The following PTH1R variants were observed in gnomAD, a reference collection of about 807,000 sequenced individuals.
The protein encoded by PTH1R is parathyroid hormone 1 receptor.
PTH1R carries 32 observed loss-of-function variants against 70.7 expected under a neutral mutation model. The ratio of observed to expected loss-of-function variants is 0.45; its 90% CI spans 0.34 to 0.61. The LOEUF is 0.61. Ranked by LOEUF, PTH1R falls within the 20% of genes least tolerant of loss-of-function variation. The pLI, the probability that PTH1R is intolerant of heterozygous loss-of-function variation, is 0.01. For missense variants in PTH1R, 626 were observed against 792.5 expected, an observed-to-expected ratio of 0.79 and a Z score of 2.52; for synonymous variants, 329 against 324.8, an observed-to-expected ratio of 1.01 and a Z score of -0.14.
At chr3:46,894,108 T>C (rs2031595221) in intron 4 of PTH1R, 99 bp downstream of exon 4, 2 of 1,297,266 alleles carry the variant, frequency 1.5e-6, no homozygotes, top group South Asian at 1.3e-5. Context: ...AGGCTCTCTG[T>C]GGGGGCGGAC....
In PTH1R at chr3:46,902,708, G is replaced by A; in HGVS notation, c.1353+41G>A. 4 of 1,613,988 alleles carry A rather than the reference G, an allele frequency of 2.5e-6. No homozygotes were observed. Among genetic ancestry groups the A allele is most frequent in the Non-Finnish European group, 3.4e-6 (4 of 1,179,980 alleles). On this transcript the variant is annotated intron_variant, in intron 14 of 15. Transcript: ENST00000449590. This position sits in a 1 kb window ranked among gnomAD's most constrained non-coding sequence, Gnocchi z 5.4. ...CCGGGCCTGGCTGAGGGTGGGAGGG[G>A]TTCCGGGGGCAGGCCTGATTCGAGA...
At chr3:46,888,432 C>T (rs1159499467) in intron 3 of PTH1R, among the ~76,000 whole-genome samples, 2 of 152,214 alleles carry the variant, frequency 1.3e-5, no homozygotes, top group Non-Finnish European at 2.9e-5. Context: ...AGTAGCCTCC[C>T]TCAGATTCCT....
chr3:46,885,154 T>A (rs1161757401), intron 3 of PTH1R, among the ~76,000 whole-genome samples: 1 of 152,112 alleles, frequency 6.6e-6, no homozygotes, highest in African/African-American at 2.4e-5. Context: ...TAAGTCTATG[T>A]GTCAGAGCAG....
chr3:46,892,620 C>A lies in PTH1R; in HGVS notation c.76-1287C>A. The A allele has an allele frequency of 2.1e-6, 1 of 470,562 alleles. No homozygotes were observed. The highest frequency in any genetic ancestry group is 2.8e-6 in the Non-Finnish European group (1 of 357,528). 29.1% of individuals were successfully genotyped at this position (470,562 alleles called of 1,614,324 possible). A position where few individuals can be genotyped will look rare whatever the true frequency, so the allele number is the denominator to read the frequency against. ...GCGGTCAATTAACTTCTCCCTGCAG[C>A]CAGGCTCTCTGACCCGGCCTGCCCG... is the stretch of plus-strand genomic sequence containing the variant. On this transcript the variant is annotated intron_variant, in intron 3 of 15. Coordinates refer to ENST00000449590, the MANE Select transcript of PTH1R (RefSeq NM_000316.3). The surrounding 1 kb of genome is among the most constrained non-coding windows in gnomAD (Gnocchi z 5.2).
rs2030894558 is a variant in PTH1R, at chr3:46,884,546, C to T, written c.75+912C>T. 6.6e-6 allele frequency among the ~76,000 whole-genome samples: 1 copy of T among 152,242 alleles called. No homozygotes were observed. The highest frequency in any genetic ancestry group is 2.4e-5 in the African/African-American group (1 of 41,464). On this transcript the variant is annotated intron_variant, in intron 3 of 15. Transcript: ENST00000449590. The surrounding 1 kb of genome is among the most constrained non-coding windows in gnomAD (Gnocchi z 4.8). ...CTGTCCCAGCCCCTCAGTCCTATTC[C>T]ACAGCAACCCCATCCCCTGGGACGA...
intron 3 of PTH1R, among the ~76,000 whole-genome samples, chr3:46,890,674 A>G (rs2031366018): frequency 6.6e-6 from 1 of 151,156 alleles, no homozygotes; most frequent in South Asian, 2.1e-4. Flanking sequence ...CTAATTTTGT[A>G]TTTTTCAGTA....
In PTH1R at chr3:46,898,823, CGCCCCCGCCGCCT is replaced by C; in HGVS notation, c.804_816del (p.Pro271LeufsTer11). 6.4e-7 allele frequency: 1 copy of C among 1,562,168 alleles called. No homozygotes were observed. The highest frequency in any genetic ancestry group is 8.6e-7 in the Non-Finnish European group (1 of 1,159,182). On this transcript the variant is annotated frameshift_variant, in exon 9 of 16. Coordinates refer to ENST00000449590, the MANE Select transcript of PTH1R (RefSeq NM_000316.3). LOFTEE classifies it high-confidence loss of function. ...GAGGAGCTGCGCGCCATCGCCCAGG[CGCCCCCGCCGCCT>C]GCCACCGCCGCTGCCGGCTACGTGA... is the stretch of plus-strand genomic sequence containing the variant.
intron 10 of PTH1R, 83 bp downstream of exon 10, chr3:46,899,539 G>A (rs1025038644): frequency 2.2e-5 from 33 of 1,522,804 alleles, no homozygotes; most frequent in East Asian, 4.5e-5. Flanking sequence ...GGGGGGAGGC[G>A]CCCACACAGC....
chr3:46,879,768 G>A lies in PTH1R; in HGVS notation c.-105-1294G>A, dbSNP rs931241017. Among the ~76,000 whole-genome samples the A allele has an allele frequency of 2.6e-5, 4 of 151,652 alleles. No individual in the cohort carries two copies. Among genetic ancestry groups the A allele is most frequent in the Admixed American group, 6.6e-5 (1 of 15,224 alleles). On this transcript the variant is annotated intron_variant, in intron 1 of 15. Transcript: ENST00000449590. The surrounding 1 kb of genome is among the most constrained non-coding windows in gnomAD (Gnocchi z 4.7). ...TCTGGGGAAAAAAAAAATGCTGCGT[G>A]TGGTGGCTCACGCTTGTAATCTCAA...
chr3:46,889,272 A>G (rs2031243453), intron 3 of PTH1R, among the ~76,000 whole-genome samples: 2 of 152,202 alleles, frequency 1.3e-5, no homozygotes, highest in South Asian at 4.1e-4. Flanking sequence ...ACAAGCCGCC[A>G]TCACTGGCAT....
intron 4 of PTH1R, among the ~76,000 whole-genome samples, chr3:46,895,092 CAA>C (rs149071173): frequency 0.42 from 47,979 of 115,574 alleles, 10,352 homozygotes; most frequent in Non-Finnish European, 0.53. Flanking sequence ...AACAAACAAA[CAA>C]AAAAAAAAAA....
Position 46,903,131 on chromosome 3 carries a change from A to G in PTH1R, c.1396-139A>G. ...TGTAGCCAAACACCCTGTTGTGAGGATGGGATTTCACTTGGCCTTGGAGTT... is the reference window on the plus strand; with the variant it reads ...TGTAGCCAAACACCCTGTTGTGAGGGTGGGATTTCACTTGGCCTTGGAGTT... On this transcript the variant is annotated intron_variant, in intron 15 of 15. Coordinates refer to ENST00000449590, the MANE Select transcript of PTH1R (RefSeq NM_000316.3). This position sits in a 1 kb window ranked among gnomAD's most constrained non-coding sequence, Gnocchi z 4.4. 1 of 1,470,326 alleles carries G rather than the reference A, an allele frequency of 6.8e-7. No individual in the cohort carries two copies. Among genetic ancestry groups the G allele is most frequent in the East Asian group, 2.5e-5 (1 of 40,496 alleles). 91.1% of individuals were successfully genotyped at this position (1,470,326 alleles called of 1,614,324 possible). A position where few individuals can be genotyped will look rare whatever the true frequency, so the allele number is the denominator to read the frequency against.
In PTH1R at chr3:46,883,193, GGGGGGCGGGGGGCGGGCC is replaced by G. The variant is rs1175980480; in HGVS notation, c.-48-305_-48-288del. Among the ~76,000 whole-genome samples the G allele has an allele frequency of 2.6e-4, 40 of 151,358 alleles. No homozygotes were observed. The highest frequency in any genetic ancestry group is 6.6e-4 in the Admixed American group (10 of 15,244). On this transcript the variant is annotated intron_variant, in intron 2 of 15. Coordinates refer to ENST00000449590, the MANE Select transcript of PTH1R (RefSeq NM_000316.3). The surrounding 1 kb of genome is among the most constrained non-coding windows in gnomAD (Gnocchi z 6.4). The stretch of plus-strand genomic sequence containing the variant: ...GAAAGAAAGAAAAGGCGGCGCGGGA[GGGGGGCGGGGGGCGGGCC>G]GGGGGCGGGGGGCCCGGCCATATGG...
In PTH1R at chr3:46,883,716, T is replaced by C. The variant is rs565913864; in HGVS notation, c.75+82T>C. 10 of 1,486,038 alleles carry C rather than the reference T, an allele frequency of 6.7e-6. No individual in the cohort carries two copies. The highest frequency in any genetic ancestry group is 9.1e-6 in the Non-Finnish European group (10 of 1,098,128). The allele number at this position is 1,486,038 out of a possible 1,614,324, so 92.1% of individuals were successfully genotyped here. The stretch of plus-strand genomic sequence containing the variant: ...CGGGATAGGTCTAAGGCACGCAGTC[T>C]TGAGTTCCCCCAGTAGTTCGAACTT... On this transcript the variant is annotated intron_variant, in intron 3 of 15. Coordinates refer to ENST00000449590, the MANE Select transcript of PTH1R (RefSeq NM_000316.3). This position sits in a 1 kb window ranked among gnomAD's most constrained non-coding sequence, Gnocchi z 6.4.
Position 46,899,410 on chromosome 3 carries a change from C to G in PTH1R, c.942C>G (p.Phe314Leu), listed in dbSNP as rs988526031. The G allele has an allele frequency of 6.2e-7, 1 of 1,613,646 alleles. No homozygotes were observed. The highest frequency in any genetic ancestry group is 1.3e-5 in the African/African-American group (1 of 74,934). ...LYLHSLIFMAFFSEKKYLWGF... is the reference protein window; with the variant it reads ...LYLHSLIFMALFSEKKYLWGF... ...TGCACAGCCTCATCTTCATGGCCTT[C>G]TTCTCAGAGAAGAAGTACCTGTGGG... The change falls in exon 10 of 16, where the codon TTC (phenylalanine) becomes TTG (leucine). Residue 314 changes from phenylalanine (F) to leucine (L), a missense_variant. Phe to Leu is a conservative substitution (Grantham distance 22). Coordinates refer to ENST00000449590, the MANE Select transcript of PTH1R (RefSeq NM_000316.3).
intron 3 of PTH1R, among the ~76,000 whole-genome samples, chr3:46,886,608 C>T (rs1241419164): frequency 6.6e-6 from 1 of 152,166 alleles, no homozygotes; most frequent in Admixed American, 6.5e-5. Context: ...CCGCCCGCCT[C>T]GGCCTCCCAA....
rs199712436 is a variant in PTH1R, at chr3:46,901,033, G to A, written c.997G>A (p.Ala333Thr). The change falls in exon 11 of 16, where the codon GCT (alanine) becomes ACT (threonine). Residue 333 changes from alanine (A) to threonine (T), a missense_variant. Transcript: ENST00000449590. This position sits in a 1 kb window ranked among gnomAD's most constrained non-coding sequence, Gnocchi z 7.3. ...GFTVFGWGLP[A>T]VFVAVWVSVR... ...CCCCTCTGTGCCCACAGGTCTGCCCGCTGTCTTCGTGGCTGTGTGGGTCAG... is the reference window on the plus strand; with the variant it reads ...CCCCTCTGTGCCCACAGGTCTGCCCACTGTCTTCGTGGCTGTGTGGGTCAG... 8.8e-6 allele frequency: 14 copies of A among 1,583,020 alleles called. No homozygotes were observed. The highest frequency in any genetic ancestry group is 1.3e-5 in the African/African-American group (1 of 74,644).
chr3:46,898,949 C>A (rs937139111), intron 9 of PTH1R, 92 bp downstream of exon 9: 1 of 938,686 alleles, frequency 1.1e-6, no homozygotes, highest in Non-Finnish European at 1.5e-6. Context: ...TCGCCCTGCC[C>A]GCCTCCTGCC....
In PTH1R at chr3:46,902,808, T is replaced by C. The variant is rs931477992; in HGVS notation, c.1395+18T>C. On this transcript the variant is annotated intron_variant, in intron 15 of 15. Transcript: ENST00000449590. The surrounding 1 kb of genome is among the most constrained non-coding windows in gnomAD (Gnocchi z 5.4). ...ATGGCGAGGTAAGCAGGAGACAGTGTTGGCATAGGGCAGGGTGGGGCAGAT... is the reference window on the plus strand; with the variant it reads ...ATGGCGAGGTAAGCAGGAGACAGTGCTGGCATAGGGCAGGGTGGGGCAGAT... 2.5e-6 allele frequency: 4 copies of C among 1,613,526 alleles called. No individual in the cohort carries two copies. The highest frequency in any genetic ancestry group is 3.4e-6 in the Non-Finnish European group (4 of 1,179,960).
Sources: gnomAD v4.1 joint callset for allele counts (sites outside exome capture counted in the v4.1 genomes callset) on GRCh38, gnomAD v4.1.1 for gene constraint, Gnocchi (gnomAD v3.1) non-coding constraint, MANE v1.5 for transcripts, NCBI Gene and HGNC (gene_info 2026-07-23, HGNC 2026-07-21) for gene names.